The following ETV1 variants were observed in gnomAD, a reference collection of about 807,000 sequenced individuals.
ETV1 encodes the protein ETS variant transcription factor 1, also known as ETS translocation variant 1.
In ETV1, 27 loss-of-function variants were observed where a neutral mutation model predicts 62.3. The observed-to-expected ratio is 0.43, with a 90% CI of 0.32 to 0.60. ETV1 has a LOEUF of 0.60. Among genes scored for constraint, ETV1 ranks in the 20% least tolerant of loss-of-function variants. ETV1 has a pLI of 0.06. For synonymous variants in ETV1, 222 were observed against 199.6 expected (o/e 1.11, Z -0.94); for missense variants, 605 against 605.8 (o/e 1.00, Z 0.01).
intron 6 of ETV1, among the ~76,000 whole-genome samples, chr7:13,941,951 T>C (rs1472477973): frequency 2.0e-5 from 3 of 151,662 alleles, no homozygotes; most frequent in Non-Finnish European, 4.4e-5. Flanking sequence ...GTGTTGTCTG[T>C]GTGTAGGCGA....
At chr7:13,967,379 CAA>C (rs1012787277) in intron 6 of ETV1, among the ~76,000 whole-genome samples, 12 of 152,170 alleles carry the variant, frequency 7.9e-5, no homozygotes, top group Admixed American at 7.2e-4. Flanking sequence ...TCTAGATTTA[CAA>C]AAGATTCAAA....
At position 13,894,954 on chromosome 7, in the gene ETV1, A is replaced by C. The variant is rs1347936715; in HGVS notation, c.*912T>G. 4.3e-6 allele frequency: 1 copy of C among 232,864 alleles called. No individual in the cohort carries two copies. Among genetic ancestry groups the C allele is most frequent in the African/African-American group, 2.2e-5 (1 of 45,328 alleles). 14.4% of individuals were successfully genotyped at this position (232,864 alleles called of 1,614,324 possible). On this transcript the variant is annotated 3_prime_UTR_variant, in exon 14 of 14. Transcript: ENST00000430479. ...GATTTAGTACAGTTAATTCTTATTG[A>C]TTAAATAATGTATTTATGTACTGAA...
chr7:13,927,401 G>A (rs753045552), intron 9 of ETV1, among the ~76,000 whole-genome samples: 3 of 152,130 alleles, frequency 2.0e-5, no homozygotes, highest in East Asian at 1.9e-4. Context: ...GCAGTGAGCC[G>A]AAATCACACC....
chr7:13,939,362 T>A (rs1787208735), intron 6 of ETV1, 116 bp from the exon 7 acceptor site: 1 of 842,234 alleles, frequency 1.2e-6, no homozygotes, highest in Non-Finnish European at 1.7e-6. Flanking sequence ...AACTTACATA[T>A]GTAAGAAAAA....
At chr7:13,904,704 C>T (rs948358366) in intron 12 of ETV1, among the ~76,000 whole-genome samples, 1 of 151,896 alleles carries the variant, frequency 6.6e-6, no homozygotes, top group Admixed American at 6.6e-5. Context: ...GTAGAAAGTG[C>T]TCAGTTCCAG....
chr7:13,950,010 T>G (rs1788611430), intron 6 of ETV1, among the ~76,000 whole-genome samples: 1 of 152,160 alleles, frequency 6.6e-6, no homozygotes, highest in African/African-American at 2.4e-5. Context: ...GGAAGTTATT[T>G]CGGCAACACA....
chr7:13,898,144 C>T (rs1028383771), intron 13 of ETV1, among the ~76,000 whole-genome samples: 13 of 152,058 alleles, frequency 8.5e-5, no homozygotes, highest in Non-Finnish European at 1.5e-5. Context: ...TGATAACCAA[C>T]CAAGGGGAAT....
chr7:13,977,526 C>A, intron 5 of ETV1, 46 bp from the exon 6 acceptor site: 1 of 1,301,264 alleles, frequency 7.7e-7, no homozygotes, highest in South Asian at 1.3e-5. Context: ...GAGAAACTGC[C>A]AAAAGCATAA....
chr7:13,960,960 C>T (rs1790093273), intron 6 of ETV1, among the ~76,000 whole-genome samples: 1 of 151,960 alleles, frequency 6.6e-6, no homozygotes, highest in Admixed American at 6.6e-5. Flanking sequence ...GGTAACACAG[C>T]AATACCTCCT....
At chr7:13,927,949 A>G (rs1221353455) in intron 9 of ETV1, among the ~76,000 whole-genome samples, 1 of 152,216 alleles carries the variant, frequency 6.6e-6, no homozygotes. Flanking sequence ...GGAGAATGCA[A>G]TATAAAATTA....
intron 6 of ETV1, among the ~76,000 whole-genome samples, chr7:13,953,083 C>G (rs1166918886): frequency 1.3e-5 from 2 of 152,202 alleles, no homozygotes; most frequent in Non-Finnish European, 2.9e-5. Flanking sequence ...CGTCCTACCC[C>G]TACTGGTCCA....
At chr7:13,990,273 T>C (rs1313827634), upstream of ETV1, 1 of 152,236 alleles carries the variant, frequency 6.6e-6, no homozygotes, top group African/African-American at 2.4e-5. Flanking sequence ...AATTAGATCC[T>C]ATCGTTCGTG....
intron 12 of ETV1, among the ~76,000 whole-genome samples, chr7:13,903,805 T>C (rs1418170842): frequency 2.0e-5 from 3 of 150,990 alleles, no homozygotes; most frequent in Non-Finnish European, 3.0e-5. Context: ...AACAATTCCC[T>C]AGGAGACATG....
intron 9 of ETV1, among the ~76,000 whole-genome samples, chr7:13,913,878 C>CTTTTTTTTT (rs544899107): frequency 5.7e-5 from 5 of 87,968 alleles, no homozygotes; most frequent in East Asian, 3.5e-4. Flanking sequence ...GGGGGTACCT[C>CTTTTTTTTT]TTTTTTTTTT....
rs537778766 is a variant in ETV1, at chr7:13,944,667, T to A, written c.236-5421A>T. Among the ~76,000 whole-genome samples the A allele has an allele frequency of 6.6e-5, 10 of 152,234 alleles. No individual in the cohort carries two copies. In the East Asian group the frequency reaches 1.9e-3, roughly 29 times the overall value. On this transcript the variant is annotated intron_variant, in intron 6 of 13. Transcript: ENST00000430479. ...ACACAGGAGCCCCAAATCTGGCACA[T>A]CATCAAATTATCTAGGGAGCTGCTG... is the stretch of plus-strand genomic sequence containing the variant.
At chr7:13,945,182 T>G (rs1788009086) in intron 6 of ETV1, among the ~76,000 whole-genome samples, 1 of 152,218 alleles carries the variant, frequency 6.6e-6, no homozygotes, top group African/African-American at 2.4e-5. Flanking sequence ...ATCAGGATTC[T>G]GAATCTTATA....
intron 5 of ETV1, among the ~76,000 whole-genome samples, chr7:13,979,148 G>C (rs929564343): frequency 1.3e-5 from 2 of 152,054 alleles, no homozygotes; most frequent in Non-Finnish European, 2.9e-5. Context: ...CTTTGGTTAA[G>C]TTTCTGAACC....
intron 13 of ETV1, among the ~76,000 whole-genome samples, chr7:13,898,335 T>C (rs1427192191): frequency 1.3e-5 from 2 of 152,216 alleles, no homozygotes; most frequent in Non-Finnish European, 2.9e-5. Flanking sequence ...TCAAATTATG[T>C]TTTATCTCTT....
At chr7:13,929,409 C>CA (rs1400771565) in intron 9 of ETV1, among the ~76,000 whole-genome samples, 1 of 152,118 alleles carries the variant, frequency 6.6e-6, no homozygotes, top group Non-Finnish European at 1.5e-5. Flanking sequence ...AACTGTATAC[C>CA]ATAACAACCT....
Sources: gnomAD v4.1 joint callset for allele counts (sites outside exome capture counted in the v4.1 genomes callset) on GRCh38, gnomAD v4.1.1 for gene constraint, MANE v1.5 for transcripts, NCBI Gene and HGNC (gene_info 2026-07-23, HGNC 2026-07-21) for gene names.